MACROD2: variants seen among roughly 807,000 people sequenced by gnomAD.
MACROD2 encodes ADP-ribose glycohydrolase MACROD2.
In MACROD2, 36 loss-of-function variants were observed where a neutral mutation model predicts 70.4. The ratio of observed to expected loss-of-function variants is 0.51; its 90% CI spans 0.39 to 0.68. MACROD2 has a LOEUF of 0.68. MACROD2 is among the 30% of genes least tolerant of loss of function. MACROD2 has a pLI of 0.00. For synonymous variants in MACROD2, 172 were observed against 178.8 expected, an observed-to-expected ratio of 0.96 and a Z score of 0.30; for missense variants, 496 against 538.4, an observed-to-expected ratio of 0.92 and a Z score of 0.78.
intron 2 of MACROD2, among the ~76,000 whole-genome samples, chr20:14,057,885 A>C (rs1208297919): frequency 1.3e-5 from 2 of 152,206 alleles, no homozygotes; most frequent in Non-Finnish European, 2.9e-5. Flanking sequence ...ACAAAGATAA[A>C]TTACATGAAC....
At chr20:14,297,375 C>G (rs1249326496) in intron 3 of MACROD2, among the ~76,000 whole-genome samples, 3 of 152,084 alleles carry the variant, frequency 2.0e-5, no homozygotes, top group African/African-American at 7.2e-5. Context: ...GCCTCTTGTG[C>G]CATACAGTTA....
intron 3 of MACROD2, among the ~76,000 whole-genome samples, chr20:14,096,343 C>T (rs1486765213): frequency 2.0e-5 from 3 of 150,530 alleles, no homozygotes; most frequent in Non-Finnish European, 4.4e-5. Context: ...ATTTTCAGGA[C>T]CTAGATATAA....
intron 5 of MACROD2, chr20:14,850,145 A>G: frequency 2.8e-6 from 1 of 351,122 alleles, no homozygotes; most frequent in Non-Finnish European, 5.6e-6. Flanking sequence ...GTCATCTAGG[A>G]CACTGAAATT....
At chr20:15,851,819 A>G (rs6135570) in intron 8 of MACROD2, among the ~76,000 whole-genome samples, 8,337 of 152,214 alleles carry the variant, frequency 0.055, 402 homozygotes, top group East Asian at 0.22. Context: ...TCAGCAGAAC[A>G]CAGTCCTCTG....
chr20:14,132,719 C>G (rs1425088344), intron 3 of MACROD2, among the ~76,000 whole-genome samples: 1 of 151,932 alleles, frequency 6.6e-6, no homozygotes, highest in Non-Finnish European at 1.5e-5. Flanking sequence ...CTCACTTCAG[C>G]CTTGAACCCC....
chr20:15,915,161 G>A (rs990230398), intron 10 of MACROD2, among the ~76,000 whole-genome samples: 2 of 151,970 alleles, frequency 1.3e-5, no homozygotes, highest in African/African-American at 4.8e-5. Flanking sequence ...GAAATCATTG[G>A]CCAGTGATGA....
chr20:14,401,892 CTGTTGCTT>C (rs2083641695), intron 3 of MACROD2, among the ~76,000 whole-genome samples: 1 of 152,124 alleles, frequency 6.6e-6, no homozygotes, highest in Non-Finnish European at 1.5e-5. Flanking sequence ...TGTGTCAGTA[CTGTTGCTT>C]CCTGCTTTAG....
chr20:14,224,713 G>A (rs2081716029), intron 3 of MACROD2, among the ~76,000 whole-genome samples: 1 of 152,114 alleles, frequency 6.6e-6, no homozygotes, highest in Admixed American at 6.5e-5. Context: ...CTCTCATCAT[G>A]TTTTGTAGGG....
At chr20:15,301,889 A>C (rs1471672260) in intron 6 of MACROD2, among the ~76,000 whole-genome samples, 1 of 152,094 alleles carries the variant, frequency 6.6e-6, no homozygotes, top group African/African-American at 2.4e-5. Flanking sequence ...TAACTTTCAG[A>C]TGTGCAAAGG....
intron 3 of MACROD2, among the ~76,000 whole-genome samples, chr20:14,221,822 T>C (rs996672543): frequency 1.3e-5 from 2 of 152,114 alleles, no homozygotes; most frequent in African/African-American, 4.8e-5. Context: ...GCAAAGGACA[T>C]GAATAGACAT....
chr20:14,898,208 G>T (rs6042976), intron 5 of MACROD2, among the ~76,000 whole-genome samples: 1 of 152,060 alleles, frequency 6.6e-6, no homozygotes, highest in Non-Finnish European at 1.5e-5. Flanking sequence ...TATTACCTCA[G>T]GTTAGGTTCC....
At chr20:14,925,747 A>G (rs1305915445) in intron 5 of MACROD2, among the ~76,000 whole-genome samples, 1 of 152,070 alleles carries the variant, frequency 6.6e-6, no homozygotes, top group Non-Finnish European at 1.5e-5. Context: ...CGTTCATATG[A>G]CCTTTTTATG....
chr20:15,627,502 TG>T (rs2049222862), intron 8 of MACROD2, among the ~76,000 whole-genome samples: 1 of 152,000 alleles, frequency 6.6e-6, no homozygotes, highest in South Asian at 2.1e-4. Flanking sequence ...AAAGGCAGTT[TG>T]GGGAAGGGGG....
At chr20:15,992,050 A>G (rs188057756) in intron 15 of MACROD2, among the ~76,000 whole-genome samples, 2 of 152,354 alleles carry the variant, frequency 1.3e-5, no homozygotes, top group East Asian at 1.9e-4. Context: ...AAGTTAAAAA[A>G]CATAGAAGAA....
intron 15 of MACROD2, among the ~76,000 whole-genome samples, chr20:16,034,571 T>G (rs2067197893): frequency 6.6e-6 from 1 of 152,088 alleles, no homozygotes; most frequent in South Asian, 2.1e-4. Flanking sequence ...AGACCAGTTT[T>G]CTTCCATTTT....
chr20:14,134,267 G>T (rs1357012277), intron 3 of MACROD2, among the ~76,000 whole-genome samples: 4 of 152,110 alleles, frequency 2.6e-5, no homozygotes, highest in Admixed American at 2.6e-4. Context: ...TCTGCTTCCT[G>T]ACAGAATCTT....
intron 5 of MACROD2, among the ~76,000 whole-genome samples, chr20:14,784,058 G>A (rs866210848): frequency 2.0e-5 from 3 of 151,994 alleles, no homozygotes; most frequent in Middle Eastern, 3.4e-3. Flanking sequence ...AAAGGCAGGG[G>A]GATGTGGGTG....
intron 5 of MACROD2, among the ~76,000 whole-genome samples, chr20:14,985,819 G>A (rs1031108150): frequency 6.6e-6 from 1 of 151,562 alleles, no homozygotes; most frequent in Admixed American, 6.6e-5. Flanking sequence ...CGGGGGCAGG[G>A]AAGGAAGGGA....
intron 5 of MACROD2, among the ~76,000 whole-genome samples, chr20:14,921,800 TC>T (rs1350030663): frequency 6.6e-6 from 1 of 152,200 alleles, no homozygotes; most frequent in Non-Finnish European, 1.5e-5. Flanking sequence ...CATAAAATAG[TC>T]CAATGAAGAA....
Sources: gnomAD v4.1 joint callset for allele counts (sites outside exome capture counted in the v4.1 genomes callset) on GRCh38, gnomAD v4.1.1 for gene constraint, MANE v1.5 for transcripts, NCBI Gene and HGNC (gene_info 2026-07-23, HGNC 2026-07-21) for gene names.